Variants in MED12L observed in about 807,000 individuals in gnomAD.
MED12L encodes the protein mediator of RNA polymerase II transcription subunit 12-like protein.
Under a neutral mutation model 281.3 loss-of-function variants are expected in MED12L, and 60 were observed. The observed-to-expected ratio is 0.21, with a 90% CI of 0.17 to 0.26. The LOEUF is 0.26. Among genes scored for constraint, MED12L ranks in the 10% least tolerant of loss-of-function variants. MED12L has a pLI of 1.00. For missense variants in MED12L, 2,146 were observed against 2,680.9 expected, an observed-to-expected ratio of 0.80 and a Z score of 4.41; for synonymous variants, 974 against 987.2, an observed-to-expected ratio of 0.99 and a Z score of 0.25.
intron 16 of MED12L, chr3:151,294,483 T>C (rs1744785526): frequency 6.2e-7 from 1 of 1,614,192 alleles, no homozygotes; most frequent in Non-Finnish European, 8.5e-7. Context: ...ACAACAACCC[T>C]GATGCTCTGG....
intron 2 of MED12L, among the ~76,000 whole-genome samples, chr3:151,096,461 GC>G (rs1720724618): frequency 6.6e-6 from 1 of 151,220 alleles, no homozygotes; most frequent in African/African-American, 2.4e-5. Context: ...GGAATATATG[GC>G]AAGAGACAAA....
chr3:151,412,395 G>A (rs570130107), intron 41 of MED12L, among the ~76,000 whole-genome samples: 1 of 152,314 alleles, frequency 6.6e-6, no homozygotes, highest in African/African-American at 2.4e-5. Context: ...GGACAGCGCA[G>A]AGAGAAAACA....
rs751312848 is a variant in MED12L at position 151,383,880 on chromosome 3, C to T, written c.4782C>T (p.His1594=). ...TTACTTCAGGAACTGTTGACATGCACACTAACAAGTATGTTTTTATCACTT... is the reference window on the plus strand; with the variant it reads ...TTACTTCAGGAACTGTTGACATGCATACTAACAAGTATGTTTTTATCACTT... ...QIITSGTVDM[H]TNNELFTTVL... The change falls in exon 34 of 45, where the codon CAC becomes CAT. Residue 1594 remains histidine, a synonymous_variant. Transcript: ENST00000687756. The T allele has an allele frequency of 6.2e-7, 1 of 1,611,862 alleles. No individual in the cohort carries two copies. The highest frequency in any genetic ancestry group is 1.7e-5 in the Admixed American group (1 of 59,950).
At chr3:151,180,427 T>C (rs985159169) in intron 11 of MED12L, among the ~76,000 whole-genome samples, 12 of 152,230 alleles carry the variant, frequency 7.9e-5, no homozygotes, top group Non-Finnish European at 1.3e-4. Flanking sequence ...GACGTTTCTC[T>C]CTAGAAGGTG....
intron 16 of MED12L, chr3:151,219,616 G>A (rs1287753265): frequency 6.6e-6 from 1 of 152,068 alleles, no homozygotes; most frequent in Non-Finnish European, 1.5e-5. Flanking sequence ...GTCTTGAAGT[G>A]GCCCAAGTGT....
At chr3:151,104,893 G>T (rs746214481) in intron 2 of MED12L, among the ~76,000 whole-genome samples, 31 of 152,118 alleles carry the variant, frequency 2.0e-4, no homozygotes, top group Non-Finnish European at 3.7e-4. Flanking sequence ...TTCCCCCTGT[G>T]TCCATCCCTT....
At chr3:151,318,313 T>C (rs1748555041) in intron 16 of MED12L, among the ~76,000 whole-genome samples, 2 of 152,046 alleles carry the variant, frequency 1.3e-5, no homozygotes. Flanking sequence ...TGCTATTTTA[T>C]ACTTCCCCAT....
Position 151,302,187 on chromosome 3 carries a change from G to A in MED12L, c.2251-47872G>A, listed in dbSNP as rs375685170. ...AATGTCCAGGAAAGGCAAATCTGTA[G>A]AGGCAGAAAGTCGATTAGTGTCTGC... On this transcript the variant is annotated intron_variant, in intron 16 of 44. Coordinates refer to ENST00000687756, the MANE Select transcript of MED12L (RefSeq NM_001393769.1). Among the ~76,000 whole-genome samples the A allele has an allele frequency of 9.2e-5, 14 of 152,330 alleles. No individual in the cohort carries two copies. The East Asian group carries it at 2.1e-3, about 23-fold the overall frequency.
chr3:151,396,214 T>C (rs1375270059), intron 39 of MED12L, among the ~76,000 whole-genome samples: 1 of 51,250 alleles, frequency 2.0e-5, no homozygotes, highest in Non-Finnish European at 4.4e-5. Context: ...TTTTTAGCTC[T>C]TTTTTGGGAA....
At chr3:151,156,401 T>C in intron 6 of MED12L, 71 bp downstream of exon 6, 1 of 1,422,324 alleles carries the variant, frequency 7.0e-7, no homozygotes, top group Non-Finnish European at 9.4e-7. Flanking sequence ...TATAGTTTGG[T>C]GTTCTGGGGT....
chr3:151,198,297 C>T (rs1724953869), intron 16 of MED12L: 1 of 648,114 alleles, frequency 1.5e-6, no homozygotes, highest in African/African-American at 1.8e-5. Context: ...TAAACCTGTC[C>T]ATATTTGCTA....
rs781058297 is a variant in MED12L, at chr3:151,338,219, A to G, written c.2251-11840A>G. Reference sequence around the variant, plus strand: ...GGTACAGTTCTTTTGTAATGAGTGTATAACATACAATAACAATTAAGAAAT... The same window carrying G: ...GGTACAGTTCTTTTGTAATGAGTGTGTAACATACAATAACAATTAAGAAAT... On this transcript the variant is annotated intron_variant, in intron 16 of 44. Coordinates refer to ENST00000687756, the MANE Select transcript of MED12L (RefSeq NM_001393769.1). 3 of 1,614,014 alleles carry G rather than the reference A, an allele frequency of 1.9e-6. No homozygotes were observed. The African/African-American group carries it at 4.0e-5, about 22-fold the overall frequency.
intron 16 of MED12L, among the ~76,000 whole-genome samples, chr3:151,207,082 C>G (rs552690497): frequency 6.4e-4 from 92 of 143,602 alleles, no homozygotes; most frequent in African/African-American, 2.3e-3. Context: ...GGTCGTCTTA[C>G]GTTGTCCAGG....
At chr3:151,291,936 ATG>A (rs1298939944) in intron 16 of MED12L, among the ~76,000 whole-genome samples, 2 of 152,208 alleles carry the variant, frequency 1.3e-5, no homozygotes, top group African/African-American at 4.8e-5. Flanking sequence ...TAATAATGTC[ATG>A]TAGGAGAAAT....
chr3:151,178,997 T>C (rs370428831), intron 11 of MED12L, among the ~76,000 whole-genome samples: 2 of 152,236 alleles, frequency 1.3e-5, no homozygotes, highest in Non-Finnish European at 2.9e-5. Flanking sequence ...CCTATGACTT[T>C]AGTCCATGAC....
intron 14 of MED12L, among the ~76,000 whole-genome samples, 165 bp downstream of exon 14, chr3:151,191,096 G>C (rs948516847): frequency 1.3e-5 from 2 of 152,154 alleles, no homozygotes; most frequent in African/African-American, 4.8e-5. Context: ...TATTTACACT[G>C]TAGCTTCTTA....
chr3:151,108,155 T>C (rs80218484), intron 2 of MED12L, among the ~76,000 whole-genome samples: 2,404 of 149,850 alleles, frequency 0.016, 64 homozygotes, highest in East Asian at 0.13. Flanking sequence ...CCAGGGCCAG[T>C]AGGCATGCTG....
chr3:151,259,942 A>G (rs1577155272), intron 16 of MED12L, among the ~76,000 whole-genome samples: 1 of 152,366 alleles, frequency 6.6e-6, no homozygotes, highest in South Asian at 2.1e-4. Flanking sequence ...TTTGGAAACC[A>G]ATCCCCTTTT....
At position 151,384,229 on chromosome 3, in the gene MED12L, G is replaced by A. The variant is rs767452217; in HGVS notation, c.4926+11G>A. ...GTAAAGAAACTGAAAGTAAGTTTGA[G>A]ATCAGCCTGTATTATGAGCTCAAGT... On this transcript the variant is annotated intron_variant, in intron 35 of 44. Transcript: ENST00000687756. 1.9e-5 allele frequency: 31 copies of A among 1,602,080 alleles called. No individual in the cohort carries two copies. Among genetic ancestry groups the A allele is most frequent in the Non-Finnish European group, 2.6e-5 (30 of 1,176,000 alleles).
Sources: gnomAD v4.1 joint callset for allele counts (sites outside exome capture counted in the v4.1 genomes callset) on GRCh38, gnomAD v4.1.1 for gene constraint, MANE v1.5 for transcripts, NCBI Gene and HGNC (gene_info 2026-07-23, HGNC 2026-07-21) for gene names.